Variants in IQGAP3 observed in about 807,000 individuals in gnomAD.
The protein encoded by IQGAP3 is ras GTPase-activating-like protein IQGAP3.
In IQGAP3, 165 loss-of-function variants were observed where a neutral mutation model predicts 208.2. The observed-to-expected ratio is 0.79, with a 90% CI of 0.70 to 0.90. The LOEUF is 0.90. IQGAP3 is among the 40% of genes least tolerant of loss of function. The pLI is 0.00. For synonymous variants in IQGAP3, 703 were observed against 803.6 expected (o/e 0.87, Z 2.12); for missense variants, 1,811 against 2,043.1 (o/e 0.89, Z 2.19).
chr1:156,550,353 T>G lies in IQGAP3; in HGVS notation c.1735-2A>C. Reference sequence around the variant, plus strand: ...CACAGCTCCAGGATCCCCTGTCACCTGGCAGATTGAGGGAGAAAAAAAAGA... The same window carrying G: ...CACAGCTCCAGGATCCCCTGTCACCGGGCAGATTGAGGGAGAAAAAAAAGA... On this transcript the variant is annotated splice_acceptor_variant, in intron 15 of 37. Transcript: ENST00000361170. LOFTEE classifies it high-confidence loss of function. The G allele has an allele frequency of 6.2e-7, 1 of 1,612,860 alleles. No individual in the cohort carries two copies. Among genetic ancestry groups the G allele is most frequent in the Non-Finnish European group, 8.5e-7 (1 of 1,178,960 alleles).
chr1:156,530,461 T>C, intron 33 of IQGAP3, 144 bp from the exon 34 acceptor site: 1 of 657,294 alleles, frequency 1.5e-6, no homozygotes, highest in Admixed American at 2.7e-5. Flanking sequence ...GAGCCCAGCC[T>C]CTGCAGGATA....
Position 156,530,235 on chromosome 1 carries a change from A to G in IQGAP3, c.4274T>C (p.Leu1425Pro), listed in dbSNP as rs760701034. 22 of 1,613,076 alleles carry G rather than the reference A, an allele frequency of 1.4e-5. No individual in the cohort carries two copies. In the East Asian group the frequency reaches 4.9e-4, roughly 36 times the overall value. The stretch of plus-strand genomic sequence containing the variant: ...CAGTGGCAGGAGGGAGTGAGCTGTC[A>G]GTGAGCGGTGTCGTCGCAGTGGCTC... ...TPEPLRRHRS[L>P]TAHSLLPLAE... The change falls in exon 34 of 38, where the codon CTG (leucine) becomes CCG (proline). Residue 1425 changes from leucine (L) to proline (P), a missense_variant. Leu to Pro is a moderately conservative substitution (Grantham distance 98). Transcript: ENST00000361170.
intron 30 of IQGAP3, 66 bp downstream of exon 30, chr1:156,533,943 T>C (rs1258939300): frequency 6.2e-7 from 1 of 1,607,406 alleles, no homozygotes; most frequent in Non-Finnish European, 8.5e-7. Context: ...GCCAGCCCAC[T>C]ACCCCATCAC....
chr1:156,554,427 C>A, intron 12 of IQGAP3, 35 bp from the exon 13 acceptor site: 1 of 1,568,910 alleles, frequency 6.4e-7, no homozygotes, highest in South Asian at 1.2e-5. Context: ...CCCAAGTGGG[C>A]AGGTGAAGGG....
chr1:156,556,425 G>A (rs143693294), intron 12 of IQGAP3, 108 bp downstream of exon 12: 245 of 1,024,318 alleles, frequency 2.4e-4, no homozygotes, highest in Non-Finnish European at 3.3e-4. Context: ...TCCTAATCTC[G>A]TGCCAGCATC....
At chr1:156,553,410 C>A (rs1300059436) in intron 13 of IQGAP3, among the ~76,000 whole-genome samples, 2 of 152,296 alleles carry the variant, frequency 1.3e-5, no homozygotes, top group East Asian at 1.9e-4. Context: ...CCCCAGATAG[C>A]CTCATGGCAA....
intron 5 of IQGAP3, among the ~76,000 whole-genome samples, chr1:156,564,130 A>G (rs1676291455): frequency 6.6e-6 from 1 of 152,122 alleles, no homozygotes; most frequent in Non-Finnish European, 1.5e-5. Flanking sequence ...GCAAGCAGAT[A>G]CCTGCTGAGC....
intron 2 of IQGAP3, among the ~76,000 whole-genome samples, chr1:156,569,083 G>A (rs1479083624): frequency 1.3e-5 from 2 of 152,062 alleles, no homozygotes; most frequent in African/African-American, 4.8e-5. Context: ...TTTGAAAATG[G>A]CTTGGGTATT....
At chr1:156,537,912 G>A (rs114021883) in intron 26 of IQGAP3, among the ~76,000 whole-genome samples, 21 of 146,432 alleles carry the variant, frequency 1.4e-4, no homozygotes, top group Admixed American at 1.3e-4. Context: ...TTTTTTTTGC[G>A]GGGGGACAGA....
At position 156,565,345 on chromosome 1, in the gene IQGAP3, TCCAGTCCCACTGAAGACA is replaced by T. The variant is rs1676354272; in HGVS notation, c.360+664_361-655del. Among the ~76,000 whole-genome samples the T allele has an allele frequency of 4.6e-5, 7 of 152,324 alleles. No individual in the cohort carries two copies. The South Asian group carries it at 1.4e-3, about 32-fold the overall frequency. On this transcript the variant is annotated intron_variant, in intron 4 of 37. Coordinates refer to ENST00000361170, the MANE Select transcript of IQGAP3 (RefSeq NM_178229.5). Reference sequence around the variant, plus strand: ...GACCAAATTTAGAGACCTAGAGTGTTCCAGTCCCACTGAAGACACATGACCTCTATTGCTTCTGCCTCC... The same window carrying T: ...GACCAAATTTAGAGACCTAGAGTGTTCATGACCTCTATTGCTTCTGCCTCC...
At chr1:156,562,799 A>T in intron 8 of IQGAP3, 134 bp from the exon 9 acceptor site, 1 of 834,588 alleles carries the variant, frequency 1.2e-6, no homozygotes, top group Non-Finnish European at 2.0e-6. Context: ...CTCAGAATTC[A>T]GGAATTGTGG....
chr1:156,550,173 A>G, intron 16 of IQGAP3, 88 bp downstream of exon 16: 3 of 876,664 alleles, frequency 3.4e-6, no homozygotes, highest in Non-Finnish European at 5.6e-6. Context: ...GAGGGTGGTG[A>G]CCAGGGAGGC....
rs372828046 is a variant in IQGAP3 at position 156,548,361 on chromosome 1, C to A, written c.2120G>T (p.Arg707Leu). The change falls in exon 18 of 38, where the codon CGG becomes CTG. Residue 707 changes from arginine (R) to leucine (L), a missense_variant. By Grantham distance (102) the Arg-to-Leu change is moderately radical. Transcript: ENST00000361170. ...GGCTCTGCCAACCTGGATCTCCTCC[C>A]GGGTCAGGTGAGAGGTGTTGAGGGG... ...GCPLNTSHLT[R>L]EEIQSAVTKV... The A allele has an allele frequency of 5.6e-6, 9 of 1,613,502 alleles. No individual in the cohort carries two copies. In the Admixed American group the frequency reaches 6.7e-5, roughly 12 times the overall value.
Position 156,539,011 on chromosome 1 carries a change from C to T in IQGAP3, c.3079G>A (p.Asp1027Asn). The part of the protein sequence containing the change: ...EIKSKVEQPQ[D>N]VVTGNPTVVR... ...ACTGTTGGGTTGCCTGTCACCACGT[C>T]CTGGGGCTGCTCCACCTTTGACCTG... is the stretch of plus-strand genomic sequence containing the variant. Residue 1027 changes from aspartate (D) to asparagine (N), a missense_variant, in exon 26 of 38, where the codon GAC (aspartate) becomes AAC (asparagine). Asp to Asn is a conservative substitution (Grantham distance 23, BLOSUM62 1). Transcript: ENST00000361170. 2 of 1,614,016 alleles carry T rather than the reference C, an allele frequency of 1.2e-6. No homozygotes were observed. The highest frequency in any genetic ancestry group is 1.7e-6 in the Non-Finnish European group (2 of 1,179,956).
At chr1:156,565,776 C>G (rs1039266760) in intron 4 of IQGAP3, among the ~76,000 whole-genome samples, 1 of 152,190 alleles carries the variant, frequency 6.6e-6, no homozygotes, top group Admixed American at 6.5e-5. Context: ...CCTCCCACCC[C>G]CTGCATAATG....
chr1:156,550,498 T>C (rs747400942), intron 15 of IQGAP3, 147 bp from the exon 16 acceptor site: 36 of 638,304 alleles, frequency 5.6e-5, no homozygotes, highest in Non-Finnish European at 9.5e-5. Flanking sequence ...GCCCTGTGTG[T>C]GGGCATGTGT....
chr1:156,545,174 C>T (rs929967863), intron 19 of IQGAP3, among the ~76,000 whole-genome samples: 2 of 152,196 alleles, frequency 1.3e-5, no homozygotes, highest in Non-Finnish European at 2.9e-5. Context: ...GCCCAACCGA[C>T]GTCTGCACAA....
At chr1:156,563,929 C>A in intron 5 of IQGAP3, 105 bp from the exon 6 acceptor site, 1 of 808,376 alleles carries the variant, frequency 1.2e-6, no homozygotes, top group Non-Finnish European at 2.0e-6. Context: ...GAGATGAAGA[C>A]CACTCAGCAC....
At chr1:156,542,909 C>G (rs1675053332) in intron 22 of IQGAP3, among the ~76,000 whole-genome samples, 1 of 151,850 alleles carries the variant, frequency 6.6e-6, no homozygotes, top group Non-Finnish European at 1.5e-5. Flanking sequence ...CCACTGCACT[C>G]CAGCCAGGGT....
Sources: gnomAD v4.1 joint callset for allele counts (sites outside exome capture counted in the v4.1 genomes callset) on GRCh38, gnomAD v4.1.1 for gene constraint, MANE v1.5 for transcripts, NCBI Gene and HGNC (gene_info 2026-07-23, HGNC 2026-07-21) for gene names.